BTRC: variants seen among roughly 807,000 people sequenced by gnomAD.
BTRC encodes the protein beta-transducin repeat containing E3 ubiquitin protein ligase.
BTRC carries 42 observed loss-of-function variants against 85.5 expected under a neutral mutation model. The observed-to-expected ratio is 0.49, with a 90% CI of 0.38 to 0.64. The LOEUF (loss-of-function observed/expected upper bound fraction) is 0.64, where lower values mean the gene tolerates loss of function less well. BTRC is among the 30% of genes least tolerant of loss of function. BTRC has a pLI of 0.00. For synonymous variants in BTRC, 255 were observed against 263.3 expected (o/e 0.97, Z 0.30); for missense variants, 594 against 743.5 (o/e 0.80, Z 2.34).
intron 7 of BTRC, 58 bp downstream of exon 7, chr10:101,531,391 C>T (rs1007968813): frequency 7.7e-6 from 10 of 1,302,266 alleles, no homozygotes; most frequent in Admixed American, 7.3e-5. Flanking sequence ...CAGCATTCTT[C>T]AGTCACAGTA....
chr10:101,411,794 T>C (rs954775752), intron 1 of BTRC, among the ~76,000 whole-genome samples: 1 of 152,142 alleles, frequency 6.6e-6, no homozygotes, highest in Non-Finnish European at 1.5e-5. Flanking sequence ...CTTGTAATTT[T>C]AGATTTAGTT....
At chr10:101,473,053 T>A (rs1945576526) in intron 3 of BTRC, among the ~76,000 whole-genome samples, 1 of 152,172 alleles carries the variant, frequency 6.6e-6, no homozygotes, top group Non-Finnish European at 1.5e-5. Flanking sequence ...TGCTGTACCG[T>A]TCTCTTCTCC....
intron 5 of BTRC, among the ~76,000 whole-genome samples, chr10:101,525,416 C>A (rs561807205): frequency 1.3e-5 from 2 of 152,160 alleles, no homozygotes; most frequent in East Asian, 1.9e-4. Flanking sequence ...TAAACCCATT[C>A]TTGAACTTAA....
chr10:101,478,792 A>G (rs189690439), intron 3 of BTRC, among the ~76,000 whole-genome samples: 81 of 151,556 alleles, frequency 5.3e-4, no homozygotes, highest in African/African-American at 1.8e-3. Flanking sequence ...AAAAAAAAAA[A>G]AAAAGAAAAG....
chr10:101,490,424 T>C (rs1195248793), intron 4 of BTRC, among the ~76,000 whole-genome samples: 1 of 152,254 alleles, frequency 6.6e-6, no homozygotes, highest in Non-Finnish European at 1.5e-5. Flanking sequence ...TGAGATGGAC[T>C]GGATCCCACT....
chr10:101,420,481 C>T (rs1251306485), intron 1 of BTRC, among the ~76,000 whole-genome samples: 1 of 151,978 alleles, frequency 6.6e-6, no homozygotes, highest in East Asian at 1.9e-4. Flanking sequence ...CTTCTTCTGC[C>T]GACATGGGCA....
chr10:101,552,123 C>T (rs908709071), intron 14 of BTRC, among the ~76,000 whole-genome samples: 7 of 151,978 alleles, frequency 4.6e-5, no homozygotes, highest in Middle Eastern at 3.4e-3. Context: ...CCCCCTCACT[C>T]CCAAGAGTCT....
chr10:101,517,776 C>G (rs1046012258), intron 4 of BTRC, among the ~76,000 whole-genome samples: 5 of 152,186 alleles, frequency 3.3e-5, no homozygotes, highest in African/African-American at 1.2e-4. Flanking sequence ...ATACTCATAT[C>G]CAGTCGATCA....
At chr10:101,432,216 C>T (rs1472895337) in intron 2 of BTRC, among the ~76,000 whole-genome samples, 4 of 151,808 alleles carry the variant, frequency 2.6e-5, no homozygotes, top group African/African-American at 9.7e-5. Flanking sequence ...CAACCTCTGC[C>T]TACTGGGCTC....
At chr10:101,389,367 AG>A (rs1341106095) in intron 1 of BTRC, among the ~76,000 whole-genome samples, 1 of 151,754 alleles carries the variant, frequency 6.6e-6, no homozygotes, top group Non-Finnish European at 1.5e-5. Flanking sequence ...TTTATGGAAA[AG>A]TTTAACAGTT....
chr10:101,465,511 T>C (rs1945350234), intron 3 of BTRC, among the ~76,000 whole-genome samples: 1 of 152,166 alleles, frequency 6.6e-6, no homozygotes, highest in Admixed American at 6.5e-5. Context: ...AAAATTTGAA[T>C]AGCCTGATGT....
At chr10:101,477,053 T>C (rs1385913878) in intron 3 of BTRC, among the ~76,000 whole-genome samples, 7 of 152,236 alleles carry the variant, frequency 4.6e-5, no homozygotes, top group Admixed American at 3.9e-4. Context: ...CTAGGCTTAC[T>C]GCAGCCTCTG....
At chr10:101,422,821 G>A (rs1461712141) in intron 1 of BTRC, among the ~76,000 whole-genome samples, 1 of 152,084 alleles carries the variant, frequency 6.6e-6, no homozygotes, top group South Asian at 2.1e-4. Flanking sequence ...CTGTTCCATT[G>A]GTCTATATCT....
At position 101,449,431 on chromosome 10, in the gene BTRC, A is replaced by C. The variant is rs1944905507; in HGVS notation, c.157-12550A>C. Among the ~76,000 whole-genome samples the C allele has an allele frequency of 2.0e-5, 3 of 152,136 alleles. No homozygotes were observed. The South Asian group carries it at 6.2e-4, about 31-fold the overall frequency. On this transcript the variant is annotated intron_variant, in intron 2 of 14. Coordinates refer to ENST00000370187, the MANE Select transcript of BTRC (RefSeq NM_033637.4). ...AATCTACAGAGGTCGAGTTACAAAA[A>C]TAACCAGATGTCCTTATTAGTGGAA...
chr10:101,554,818 A>G lies in BTRC; in HGVS notation c.*1695A>G, dbSNP rs2062705320. The G allele has an allele frequency of 6.6e-6, 1 of 152,312 alleles. No individual in the cohort carries two copies. Among genetic ancestry groups the G allele is most frequent in the Non-Finnish European group, 1.5e-5 (1 of 68,028 alleles). The allele number at this position is 152,312 out of a possible 1,614,324, so 9.4% of individuals were successfully genotyped here. On this transcript the variant is annotated 3_prime_UTR_variant, in exon 15 of 15. Transcript: ENST00000370187. ...ACACCAACCTGGGAGCACACAGAAT[A>G]CTATTAATGTGCACCCAGCTGGTCT...
chr10:101,403,258 G>A (rs972167503), intron 1 of BTRC, among the ~76,000 whole-genome samples: 5 of 152,168 alleles, frequency 3.3e-5, no homozygotes, highest in African/African-American at 9.7e-5. Context: ...AGAAGGGAGA[G>A]TATTTTAAGG....
intron 1 of BTRC, among the ~76,000 whole-genome samples, chr10:101,368,424 T>C (rs766601633): frequency 3.3e-5 from 5 of 150,950 alleles, no homozygotes; most frequent in Non-Finnish European, 4.4e-5. Flanking sequence ...GCAACGTAAA[T>C]GGACTAAGAC....
intron 13 of BTRC, among the ~76,000 whole-genome samples, chr10:101,548,242 TG>T (rs1413440399): frequency 6.6e-6 from 1 of 152,184 alleles, no homozygotes; most frequent in Non-Finnish European, 1.5e-5. Context: ...CTAGTTGAAA[TG>T]GGTGCATATA....
chr10:101,500,656 G>C, intron 4 of BTRC, among the ~76,000 whole-genome samples: 1 of 152,128 alleles, frequency 6.6e-6, no homozygotes, highest in East Asian at 1.9e-4. Flanking sequence ...GGCATTACTA[G>C]GGCTTCAGAT....
Sources: allele counts gnomAD v4.1 joint callset (sites outside exome capture counted in the v4.1 genomes callset), GRCh38; gene constraint gnomAD v4.1.1; transcripts MANE v1.5; gene names NCBI Gene and HGNC (gene_info 2026-07-23, HGNC 2026-07-21).